The following PHACTR1 variants were observed in gnomAD, a reference collection of about 807,000 sequenced individuals.
PHACTR1 encodes the protein RPEL repeat containing 1.
Under a neutral mutation model 69.2 loss-of-function variants are expected in PHACTR1, and 16 were observed. The observed-to-expected ratio is 0.23, with a 90% CI of 0.16 to 0.35. PHACTR1 has a LOEUF of 0.35. Ranked by LOEUF, PHACTR1 falls within the 10% of genes least tolerant of loss-of-function variation. The pLI is 1.00. For synonymous variants in PHACTR1, 312 were observed against 284.5 expected (o/e 1.10, Z -0.97); for missense variants, 510 against 734.7 (o/e 0.69, Z 3.54).
intron 4 of PHACTR1, among the ~76,000 whole-genome samples, chr6:12,900,310 T>C (rs939126340): frequency 3.3e-5 from 5 of 152,200 alleles, no homozygotes; most frequent in African/African-American, 1.2e-4. Context: ...CGGATACCTT[T>C]ATCTTGTGAT....
chr6:13,123,083 A>G (rs116016464), intron 5 of PHACTR1, among the ~76,000 whole-genome samples: 5,908 of 152,184 alleles, frequency 0.039, 361 homozygotes, highest in African/African-American at 0.13. Flanking sequence ...AGAACTTGGG[A>G]GGAGAAAAGG....
intron 4 of PHACTR1, among the ~76,000 whole-genome samples, chr6:12,786,373 CA>C (rs1468841932): frequency 6.6e-6 from 1 of 152,162 alleles, no homozygotes; most frequent in African/African-American, 2.4e-5. Context: ...AATACAAATT[CA>C]GATCTTTTGT....
At chr6:13,186,001 A>T (rs1194744776) in intron 7 of PHACTR1, among the ~76,000 whole-genome samples, 1 of 152,206 alleles carries the variant, frequency 6.6e-6, no homozygotes, top group African/African-American at 2.4e-5. Context: ...TTTCCAGAGC[A>T]GGCTGTCTTT....
intron 4 of PHACTR1, among the ~76,000 whole-genome samples, chr6:12,970,664 G>T (rs938017428): frequency 6.6e-6 from 1 of 152,180 alleles, no homozygotes; most frequent in African/African-American, 2.4e-5. Context: ...GCTGAGGCAC[G>T]AGCATCGTTT....
chr6:12,735,696 A>C (rs999173855), intron 3 of PHACTR1, among the ~76,000 whole-genome samples: 11 of 152,228 alleles, frequency 7.2e-5, no homozygotes, highest in Non-Finnish European at 1.5e-4. Flanking sequence ...TCACACTTTA[A>C]AGAAGAGTTA....
Position 13,254,783 on chromosome 6 carries a change from G to T in PHACTR1, c.1392-18077G>T, listed in dbSNP as rs144591291. Among the ~76,000 whole-genome samples the T allele has an allele frequency of 3.5e-3, 533 of 152,302 alleles. 5 individuals are homozygous for T. The highest frequency in any genetic ancestry group is 0.012 in the African/African-American group (503 of 41,552). ...ACAAATGAACTGTACCTGTTTTTCAGTGTGACTCATGTAGATTACTGTTAG... is the reference window on the plus strand; with the variant it reads ...ACAAATGAACTGTACCTGTTTTTCATTGTGACTCATGTAGATTACTGTTAG... On this transcript the variant is annotated intron_variant, in intron 10 of 14. Coordinates refer to ENST00000332995, the MANE Select transcript of PHACTR1 (RefSeq NM_030948.6).
chr6:13,059,060 A>G (rs1028420523), intron 5 of PHACTR1, among the ~76,000 whole-genome samples: 4 of 152,156 alleles, frequency 2.6e-5, no homozygotes. Flanking sequence ...AATGGGTCAA[A>G]CATGAGAAGG....
chr6:13,191,535 G>A (rs9381818), intron 7 of PHACTR1, among the ~76,000 whole-genome samples: 52,455 of 152,074 alleles, frequency 0.34, 9,728 homozygotes, highest in East Asian at 0.61. Flanking sequence ...TTTGCATGGT[G>A]TCAGCAGGCT....
At chr6:13,177,791 G>T (rs1278039404) in intron 6 of PHACTR1, among the ~76,000 whole-genome samples, 1 of 152,302 alleles carries the variant, frequency 6.6e-6, no homozygotes, top group East Asian at 1.9e-4. Flanking sequence ...GTATGGGTAA[G>T]CTCCAGGGCC....
intron 4 of PHACTR1, among the ~76,000 whole-genome samples, chr6:12,888,072 C>CAAAAA (rs33925347): frequency 4.5e-4 from 32 of 71,836 alleles, no homozygotes; most frequent in South Asian, 6.5e-4. Context: ...GACTCCATCT[C>CAAAAA]AAAAAAAAAA....
chr6:12,805,317 G>C (rs1774177622), intron 4 of PHACTR1, among the ~76,000 whole-genome samples: 1 of 152,142 alleles, frequency 6.6e-6, no homozygotes, highest in South Asian at 2.1e-4. Flanking sequence ...TGGTTTACTT[G>C]AGGTCATAAT....
At chr6:12,803,161 G>A (rs1346711927) in intron 4 of PHACTR1, among the ~76,000 whole-genome samples, 1 of 152,042 alleles carries the variant, frequency 6.6e-6, no homozygotes, top group Non-Finnish European at 1.5e-5. Flanking sequence ...GCTTCTACTT[G>A]GTCCTATTAT....
intron 4 of PHACTR1, among the ~76,000 whole-genome samples, chr6:13,046,587 A>G (rs544209755): frequency 2.0e-5 from 3 of 152,188 alleles, no homozygotes; most frequent in African/African-American, 7.2e-5. Flanking sequence ...TAGCTCTTGG[A>G]CAACATGGCC....
rs1421067752 is a variant in PHACTR1 at position 13,155,699 on chromosome 6, C to A, written c.416-4505C>A. On this transcript the variant is annotated intron_variant, in intron 5 of 14. Coordinates refer to ENST00000332995, the MANE Select transcript of PHACTR1 (RefSeq NM_030948.6). ...GGTCAGGAGTTCGAGACCAGCCTGG[C>A]CAACATGGTGAAACCCCGTCTCTAC... Among the ~76,000 whole-genome samples the A allele has an allele frequency of 2.0e-5, 3 of 152,064 alleles. No homozygotes were observed. In the East Asian group the frequency reaches 5.8e-4, roughly 29 times the overall value.
intron 4 of PHACTR1, among the ~76,000 whole-genome samples, chr6:12,926,168 C>T (rs1788250591): frequency 6.6e-6 from 1 of 152,158 alleles, no homozygotes; most frequent in African/African-American, 2.4e-5. Flanking sequence ...GCTAATGGCC[C>T]AATGCCCTGA....
intron 4 of PHACTR1, among the ~76,000 whole-genome samples, chr6:12,950,622 C>T (rs970728789): frequency 1.9e-4 from 29 of 152,202 alleles, no homozygotes; most frequent in African/African-American, 6.5e-4. Flanking sequence ...CCCCAAATAA[C>T]TGTACAAAAG....
chr6:12,990,853 G>A (rs1165796103), intron 4 of PHACTR1, among the ~76,000 whole-genome samples: 3 of 152,108 alleles, frequency 2.0e-5, no homozygotes, highest in Admixed American at 2.0e-4. Context: ...ATCTTTCCCA[G>A]AGACGACCGG....
intron 4 of PHACTR1, among the ~76,000 whole-genome samples, chr6:12,983,332 G>C (rs944660422): frequency 6.6e-6 from 1 of 152,178 alleles, no homozygotes. Flanking sequence ...ATTCAAAAGA[G>C]GAGGTGGCAT....
At chr6:12,800,732 A>C (rs1464663969) in intron 4 of PHACTR1, among the ~76,000 whole-genome samples, 1 of 152,024 alleles carries the variant, frequency 6.6e-6, no homozygotes, top group African/African-American at 2.4e-5. Flanking sequence ...CAAAAGTAAA[A>C]TAAAATTTAG....
Sources: gnomAD v4.1 joint callset for allele counts (sites outside exome capture counted in the v4.1 genomes callset) on GRCh38, gnomAD v4.1.1 for gene constraint, MANE v1.5 for transcripts, NCBI Gene and HGNC (gene_info 2026-07-23, HGNC 2026-07-21) for gene names.